The following WDR4 variants were observed in gnomAD, a reference collection of about 807,000 sequenced individuals.
WDR4 encodes tRNA (guanine-N(7)-)-methyltransferase non-catalytic subunit WDR4.
WDR4 carries 47 observed loss-of-function variants against 48.6 expected under a neutral mutation model. That is an observed-to-expected ratio of 0.97 (90% CI 0.77 to 1.23). The LOEUF is 1.23. Among genes scored for constraint, WDR4 ranks in the 50% most tolerant of loss-of-function variants. The pLI, the probability that WDR4 is intolerant of heterozygous loss-of-function variation, is 0.00. For missense variants in WDR4, 606 were observed against 551.6 expected (o/e 1.10, Z -0.99); for synonymous variants, 268 against 230.0 (o/e 1.17, Z -1.49).
At chr21:42,864,088 ACAGAGCGAGACTCC>A (rs2058190165) in intron 3 of WDR4, among the ~76,000 whole-genome samples, 1 of 77,866 alleles carries the variant, frequency 1.3e-5, no homozygotes, top group Non-Finnish European at 2.5e-5. Flanking sequence ...GCCTGGGGCG[ACAGAGCGAGACTCC>A]GTCTCAAAAA....
chr21:42,879,204 A>G, intron 1 of WDR4: 1 of 1,331,488 alleles, frequency 7.5e-7, no homozygotes, highest in Non-Finnish European at 9.6e-7. Context: ...GCGGACGCCG[A>G]GAGCGGACGG....
At position 42,849,956 on chromosome 21, in the gene WDR4, C is replaced by T; in HGVS notation, c.*93G>A. On this transcript the variant is annotated 3_prime_UTR_variant, in exon 11 of 11. Coordinates refer to ENST00000398208, the MANE Select transcript of WDR4 (RefSeq NM_018669.6). ...CTGAGCTGGTCACAACTGATGTCAC[C>T]TTTTCCTTCTTGAAGGGACATGCCA... 6.6e-7 allele frequency: 1 copy of T among 1,521,682 alleles called. No homozygotes were observed. Among genetic ancestry groups the T allele is most frequent in the Non-Finnish European group, 9.0e-7 (1 of 1,115,158 alleles). The allele number at this position is 1,521,682 out of a possible 1,614,324, so 94.3% of individuals were successfully genotyped here.
intron 11 of WDR4, among the ~76,000 whole-genome samples, chr21:42,844,009 A>G (rs1042827107): frequency 9.1e-4 from 138 of 152,208 alleles, no homozygotes; most frequent in Admixed American, 9.8e-4. Context: ...TTTTTTAAAT[A>G]CCAAAACCAA....
At chr21:42,850,973 C>A (rs893721287) in intron 10 of WDR4, among the ~76,000 whole-genome samples, 1 of 152,276 alleles carries the variant, frequency 6.6e-6, no homozygotes, top group East Asian at 1.9e-4. Flanking sequence ...CAGCAGGTGG[C>A]GCAGCCTCCC....
At chr21:42,859,171 T>C (rs907120588) in intron 6 of WDR4, among the ~76,000 whole-genome samples, 3 of 151,560 alleles carry the variant, frequency 2.0e-5, no homozygotes, top group Non-Finnish European at 2.9e-5. Context: ...CCCAGCTACT[T>C]GGGAGGCCAA....
rs544156434 is a variant in WDR4, at chr21:42,876,735, C to T, written c.122G>A (p.Ser41Asn). Reference sequence around the variant, plus strand: ...TTCTTGTGACTTCTTTTCTGCAGCACTGCAGTCATAGATGAAGAGGCTGTC... The same window carrying T: ...TTCTTGTGACTTCTTTTCTGCAGCATTGCAGTCATAGATGAAGAGGCTGTC... ...DDDSLFIYDC[S>N]AAEKKSQENK... The change falls in exon 2 of 11, where the codon AGT becomes AAT. Residue 41 changes from serine to asparagine, a missense_variant. By Grantham distance (46) the Ser-to-Asn change is conservative (BLOSUM62 1). Transcript: ENST00000398208. 72 of 1,613,678 alleles carry T rather than the reference C, an allele frequency of 4.5e-5. No individual in the cohort carries two copies. The South Asian group carries it at 7.5e-4, about 17-fold the overall frequency.
the WDR4 span, among the ~76,000 whole-genome samples, chr21:42,889,055 C>G: frequency 6.8e-6 from 1 of 147,188 alleles, no homozygotes; most frequent in Non-Finnish European, 1.5e-5. Context: ...AGGGTTCAAT[C>G]TATATATATA....
chr21:42,869,837 C>T (rs2058329437), intron 3 of WDR4, among the ~76,000 whole-genome samples: 1 of 151,916 alleles, frequency 6.6e-6, no homozygotes, highest in South Asian at 2.1e-4. Flanking sequence ...TTGTGAAACC[C>T]CATCTCTACT....
chr21:42,864,709 C>T (rs1047126844), intron 3 of WDR4, among the ~76,000 whole-genome samples: 2 of 152,192 alleles, frequency 1.3e-5, no homozygotes, highest in Admixed American at 1.3e-4. Flanking sequence ...CAGTTCGCTC[C>T]CTCTCCTTCG....
chr21:42,877,532 CATTAA>C (rs754269672), intron 1 of WDR4, among the ~76,000 whole-genome samples: 59 of 150,802 alleles, frequency 3.9e-4, no homozygotes, highest in Non-Finnish European at 5.5e-4. Flanking sequence ...TTTGCACACT[CATTAA>C]ATTAAAAGTT....
intron 2 of WDR4, among the ~76,000 whole-genome samples, chr21:42,874,274 C>T (rs574910057): frequency 6.6e-5 from 10 of 152,154 alleles, no homozygotes; most frequent in Non-Finnish European, 1.3e-4. Flanking sequence ...CAGTCAATAC[C>T]CTTGTGATTT....
chr21:42,845,303 C>A (rs148948643), downstream of WDR4, among the ~76,000 whole-genome samples: 21 of 152,376 alleles, frequency 1.4e-4, no homozygotes, highest in African/African-American at 4.3e-4. Flanking sequence ...AAATAACCCA[C>A]AGACCAAAGA....
chr21:42,862,186 G>A lies in WDR4; in HGVS notation c.566+96C>T, dbSNP rs1373975773. ...ACGGGGGCTGCTGTCACCCGCGTGG[G>A]GCCTCGCCAGCTACAACGGCACCTG... is the stretch of plus-strand genomic sequence containing the variant. On this transcript the variant is annotated intron_variant, in intron 5 of 10. Coordinates refer to ENST00000398208, the MANE Select transcript of WDR4 (RefSeq NM_018669.6). The surrounding 1 kb of genome is among the most constrained non-coding windows in gnomAD (Gnocchi z 4.3). 2 of 1,161,608 alleles carry A rather than the reference G, an allele frequency of 1.7e-6. No homozygotes were observed. Among genetic ancestry groups the A allele is most frequent in the Admixed American group, 2.1e-5 (1 of 46,620 alleles). 72.0% of individuals were successfully genotyped at this position (1,161,608 alleles called of 1,614,324 possible).
At chr21:42,891,064 T>C in the WDR4 span, among the ~76,000 whole-genome samples, 1 of 152,170 alleles carries the variant, frequency 6.6e-6, no homozygotes, top group Non-Finnish European at 1.5e-5. Context: ...GGCTCATGGC[T>C]GTAATCCCAG....
chr21:42,892,838 G>A, the WDR4 span, among the ~76,000 whole-genome samples: 4 of 152,226 alleles, frequency 2.6e-5, no homozygotes, highest in Non-Finnish European at 5.9e-5. Flanking sequence ...AGCTGGGCGC[G>A]TGGTGTGGGC....
the WDR4 span, among the ~76,000 whole-genome samples, chr21:42,887,845 G>A: frequency 1.3e-5 from 2 of 151,970 alleles, no homozygotes; most frequent in African/African-American, 2.4e-5. Flanking sequence ...TTGAGCCCGG[G>A]TAGCAGAGGT....
At chr21:42,844,004 T>A (rs8133548) in intron 11 of WDR4, among the ~76,000 whole-genome samples, 3 of 152,230 alleles carry the variant, frequency 2.0e-5, no homozygotes, top group Non-Finnish European at 2.9e-5. Context: ...GACATTTTTT[T>A]AAATACCAAA....
chr21:42,874,233 G>T (rs1417688494), intron 2 of WDR4, among the ~76,000 whole-genome samples: 2 of 152,160 alleles, frequency 1.3e-5, no homozygotes, highest in Non-Finnish European at 2.9e-5. Context: ...AACATAAATT[G>T]TGAAGATTTC....
intron 3 of WDR4, among the ~76,000 whole-genome samples, chr21:42,863,901 T>C (rs1195419909): frequency 1.8e-5 from 2 of 112,150 alleles, no homozygotes; most frequent in African/African-American, 4.7e-5. Context: ...GGTCAGGAGA[T>C]TGAGACCATT....
Sources: gnomAD v4.1 joint callset for allele counts (sites outside exome capture counted in the v4.1 genomes callset) on GRCh38, gnomAD v4.1.1 for gene constraint, Gnocchi (gnomAD v3.1) non-coding constraint, MANE v1.5 for transcripts, NCBI Gene and HGNC (gene_info 2026-07-23, HGNC 2026-07-21) for gene names.